The following HCN1 variants were observed in gnomAD, a reference collection of about 807,000 sequenced individuals.
The protein encoded by HCN1 is potassium/sodium hyperpolarization-activated cyclic nucleotide-gated channel 1.
A neutral mutation model predicts 78.9 loss-of-function variants in HCN1; 13 were observed. The ratio of observed to expected loss-of-function variants is 0.16; its 90% CI spans 0.11 to 0.26. The LOEUF is 0.26. HCN1 is among the 10% of genes least tolerant of loss of function. The pLI is 1.00. For synonymous variants in HCN1, 552 were observed against 455.5 expected, an observed-to-expected ratio of 1.21 and a Z score of -2.70; for missense variants, 810 against 1,154.3, an observed-to-expected ratio of 0.70 and a Z score of 4.32.
chr5:45,523,035 A>G (rs935004994), intron 2 of HCN1, among the ~76,000 whole-genome samples: 1 of 148,026 alleles, frequency 6.8e-6, no homozygotes, highest in East Asian at 2.0e-4. Context: ...CAGTCCCCAG[A>G]GTGTGATGTT....
intron 1 of HCN1, among the ~76,000 whole-genome samples, chr5:45,686,123 A>AT (rs386358074): frequency 0.09 from 13,570 of 150,866 alleles, 840 homozygotes; most frequent in African/African-American, 0.16. Context: ...ATATATATAT[A>AT]TTTTTTTCTA....
intron 1 of HCN1, among the ~76,000 whole-genome samples, chr5:45,667,021 A>G (rs1421696387): frequency 6.6e-6 from 1 of 152,056 alleles, no homozygotes; most frequent in Non-Finnish European, 1.5e-5. Context: ...ATGAAAAAAC[A>G]TGACATATTC....
intron 4 of HCN1, among the ~76,000 whole-genome samples, chr5:45,357,801 T>A (rs1012763984): frequency 6.6e-5 from 10 of 152,038 alleles, no homozygotes; most frequent in South Asian, 2.1e-4. Flanking sequence ...TCCCCAGTGT[T>A]GTAGGTGGGA....
At position 45,477,927 on chromosome 5, in the gene HCN1, G is replaced by T. The variant is rs563668981; in HGVS notation, c.850-15920C>A. Among the ~76,000 whole-genome samples the T allele has an allele frequency of 4.6e-5, 7 of 152,066 alleles. No homozygotes were observed. The South Asian group carries it at 8.3e-4, about 18-fold the overall frequency. On this transcript the variant is annotated intron_variant, in intron 2 of 7. Transcript: ENST00000303230. ...TGGAATATATTATTCTGTTGAGAAC[G>T]CAGAAAAAAAGACACTCATTCACTA...
intron 3 of HCN1, among the ~76,000 whole-genome samples, chr5:45,461,066 A>C (rs952523952): frequency 5.9e-5 from 9 of 152,016 alleles, no homozygotes; most frequent in African/African-American, 2.2e-4. Context: ...TGCAGGAAGA[A>C]AATATGGGAA....
chr5:45,419,730 CTG>C (rs1740190057), intron 3 of HCN1, among the ~76,000 whole-genome samples: 1 of 152,166 alleles, frequency 6.6e-6, no homozygotes, highest in Non-Finnish European at 1.5e-5. Flanking sequence ...AGTGAGCTGG[CTG>C]TGTTTCCTGT....
intron 1 of HCN1, among the ~76,000 whole-genome samples, chr5:45,690,695 TTTC>T (rs1739893978): frequency 6.6e-6 from 1 of 151,986 alleles, no homozygotes; most frequent in Non-Finnish European, 1.5e-5. Context: ...TGCAGACTTT[TTTC>T]TTTATTATCA....
At chr5:45,448,544 G>T (rs1740844253) in intron 3 of HCN1, among the ~76,000 whole-genome samples, 1 of 152,036 alleles carries the variant, frequency 6.6e-6, no homozygotes, top group Admixed American at 6.6e-5. Flanking sequence ...CTAGTATTCT[G>T]CAGGTGGTAG....
intron 5 of HCN1, among the ~76,000 whole-genome samples, chr5:45,343,919 A>G (rs2111968731): frequency 6.6e-6 from 1 of 152,254 alleles, no homozygotes; most frequent in South Asian, 2.1e-4. Flanking sequence ...AACAGCATAA[A>G]AAGTGGTCCC....
chr5:45,311,461 GA>G (rs1745850442), intron 5 of HCN1, among the ~76,000 whole-genome samples: 1 of 151,990 alleles, frequency 6.6e-6, no homozygotes, highest in South Asian at 2.1e-4. Context: ...TCTTAGAAGG[GA>G]ATTGATAATT....
chr5:45,389,924 A>C (rs1262258958), intron 4 of HCN1, among the ~76,000 whole-genome samples: 3 of 152,174 alleles, frequency 2.0e-5, no homozygotes, highest in Non-Finnish European at 2.9e-5. Flanking sequence ...ATATCCCTTT[A>C]ATAATGTACA....
chr5:45,498,867 C>A (rs899591028), intron 2 of HCN1, among the ~76,000 whole-genome samples: 5 of 152,110 alleles, frequency 3.3e-5, no homozygotes, highest in Non-Finnish European at 7.4e-5. Context: ...CTGCCCCTGC[C>A]GTGTGGTGCC....
At chr5:45,528,936 C>T (rs1359582154) in intron 2 of HCN1, among the ~76,000 whole-genome samples, 1 of 151,848 alleles carries the variant, frequency 6.6e-6, no homozygotes, top group Non-Finnish European at 1.5e-5. Flanking sequence ...TTGCCCTTAG[C>T]TTTATGGAAT....
At chr5:45,420,338 CAT>C (rs1740202270) in intron 3 of HCN1, among the ~76,000 whole-genome samples, 1 of 152,084 alleles carries the variant, frequency 6.6e-6, no homozygotes. Flanking sequence ...CTTAATAAAA[CAT>C]ATGATTTATA....
intron 4 of HCN1, among the ~76,000 whole-genome samples, chr5:45,374,184 ATT>A (rs1202076173): frequency 1.6e-5 from 2 of 122,980 alleles, no homozygotes; most frequent in Non-Finnish European, 3.2e-5. Flanking sequence ...TATATTATAT[ATT>A]ATATACATTA....
intron 2 of HCN1, among the ~76,000 whole-genome samples, chr5:45,529,300 G>A (rs756663862): frequency 1.3e-5 from 2 of 151,860 alleles, no homozygotes; most frequent in East Asian, 1.9e-4. Context: ...ATATTTATGA[G>A]CTAATTAGTC....
At chr5:45,593,574 T>C (rs1013903346) in intron 2 of HCN1, among the ~76,000 whole-genome samples, 2 of 151,904 alleles carry the variant, frequency 1.3e-5, no homozygotes, top group African/African-American at 4.8e-5. Context: ...TTACTGCCAA[T>C]ATGAACAAGC....
intron 4 of HCN1, among the ~76,000 whole-genome samples, chr5:45,373,387 TGTAA>T (rs1344585551): frequency 9.3e-6 from 1 of 107,338 alleles, no homozygotes; most frequent in Non-Finnish European, 1.6e-5. Flanking sequence ...ATATAATATA[TGTAA>T]ATATATATTA....
chr5:45,397,150 T>A (rs1274841373), intron 3 of HCN1, among the ~76,000 whole-genome samples: 1 of 152,186 alleles, frequency 6.6e-6, no homozygotes, highest in Non-Finnish European at 1.5e-5. Context: ...GTTCAGATTT[T>A]AAAAATCCAT....
Sources: allele counts gnomAD v4.1 joint callset (sites outside exome capture counted in the v4.1 genomes callset), GRCh38; gene constraint gnomAD v4.1.1; transcripts MANE v1.5; gene names NCBI Gene and HGNC (gene_info 2026-07-23, HGNC 2026-07-21).